Variants in ARFGEF3 observed in about 807,000 individuals in gnomAD.
The protein encoded by ARFGEF3 is brefeldin A-inhibited guanine nucleotide-exchange protein 3.
Under a neutral mutation model 221.7 loss-of-function variants are expected in ARFGEF3, and 96 were observed. That is an observed-to-expected ratio of 0.43 (90% confidence interval 0.37 to 0.51). The LOEUF (loss-of-function observed/expected upper bound fraction) is 0.51, where lower values mean the gene tolerates loss of function less well. ARFGEF3 is among the 20% of genes least tolerant of loss of function. The pLI is 0.00. For missense variants in ARFGEF3, 2,410 were observed against 2,789.9 expected (o/e 0.86, Z 3.07); for synonymous variants, 1,145 against 1,126.8 (o/e 1.02, Z -0.32).
chr6:138,277,125 A>G (rs1779112559), intron 12 of ARFGEF3, among the ~76,000 whole-genome samples: 1 of 152,154 alleles, frequency 6.6e-6, no homozygotes, highest in South Asian at 2.1e-4. Flanking sequence ...TAACATTCCA[A>G]ATAGAAGGTA....
intron 12 of ARFGEF3, among the ~76,000 whole-genome samples, chr6:138,265,557 ACT>A (rs370254581): frequency 3.3e-5 from 5 of 152,204 alleles, no homozygotes; most frequent in African/African-American, 1.2e-4. Flanking sequence ...CTTTTATATC[ACT>A]GTCATTAAAT....
chr6:138,340,868 C>T lies in ARFGEF3; in HGVS notation c.*4382C>T, dbSNP rs2114710210. 1 of 152,226 alleles carries T rather than the reference C, an allele frequency of 6.6e-6. No homozygotes were observed. The allele number at this position is 152,226 out of a possible 1,614,324, so 9.4% of individuals were successfully genotyped here. On this transcript the variant is annotated 3_prime_UTR_variant, in exon 34 of 34. Coordinates refer to ENST00000251691, the MANE Select transcript of ARFGEF3 (RefSeq NM_020340.5). The stretch of plus-strand genomic sequence containing the variant: ...AGGCCATGAAAATGAGACTATTTGA[C>T]ATCTCAGATCTGTCTGGGATGTTAT...
Position 138,289,883 on chromosome 6 carries a change from G to C in ARFGEF3, c.2962G>C (p.Ala988Pro). Reference sequence around the variant, plus strand: ...GGTGCAGGGGGTGTGGCTGCACACTGCCCACGTCTTGTGCATGGAGGCCAT... The same window carrying C: ...GGTGCAGGGGGTGTGGCTGCACACTCCCCACGTCTTGTGCATGGAGGCCAT... ...GKVQGVWLHT[A>P]HVLCMEAILS... Residue 988 changes from alanine to proline, a missense_variant, in exon 18 of 34, where the codon GCC (alanine) becomes CCC (proline). Physicochemically the swap from Ala to Pro is conservative, Grantham distance 27. Coordinates refer to ENST00000251691, the MANE Select transcript of ARFGEF3 (RefSeq NM_020340.5). The C allele has an allele frequency of 6.2e-7, 1 of 1,613,896 alleles. No individual in the cohort carries two copies. Among genetic ancestry groups the C allele is most frequent in the Non-Finnish European group, 8.5e-7 (1 of 1,179,776 alleles).
chr6:138,321,195 C>T lies in ARFGEF3; in HGVS notation c.4736C>T (p.Thr1579Ile), dbSNP rs747064284. ...LVACVAKPTE[T>I]ISRVGCSCIR... is the part of the protein sequence containing the mutation. ...GCCTGTGTGGCCAAGCCCACTGAAA[C>T]CATCTCCAGAGTGGGCTGCTCCTGT... Residue 1579 changes from threonine (T) to isoleucine (I), a missense_variant, in exon 29 of 34, where the codon ACC (threonine) becomes ATC (isoleucine). Thr to Ile is a moderately conservative substitution (Grantham distance 89). Transcript: ENST00000251691. 1 of 1,558,948 alleles carries T rather than the reference C, an allele frequency of 6.4e-7. No homozygotes were observed. The highest frequency in any genetic ancestry group is 8.7e-7 in the Non-Finnish European group (1 of 1,149,706).
Position 138,243,082 on chromosome 6 carries a change from C to T in ARFGEF3, c.586+88C>T. On this transcript the variant is annotated intron_variant, in intron 7 of 33. Transcript: ENST00000251691. The stretch of plus-strand genomic sequence containing the variant: ...CTTGGAGTGAGGGGTACAAAGATGT[C>T]TAGGAGCTCTCGGTTGTTTTACCAT... 1.9e-6 allele frequency: 2 copies of T among 1,033,088 alleles called. 1 individual carries two copies. Among genetic ancestry groups the T allele is most frequent in the Non-Finnish European group, 3.0e-6 (2 of 670,046 alleles). 64.0% of individuals were successfully genotyped at this position (1,033,088 alleles called of 1,614,324 possible).
In ARFGEF3 at chr6:138,334,751, T is replaced by A; in HGVS notation, c.5905T>A (p.Ser1969Thr). ...CCCTTCCGAGGATGACAGAAGCCAG[T>A]CCCGGGAGCACATGGGCGAGTCCCT... ...ETPSEDDRSQ[S>T]REHMGESLSL... Residue 1969 changes from serine to threonine, a missense_variant, in exon 33 of 34, where the codon TCC (serine) becomes ACC (threonine). Physicochemically the swap from Ser to Thr is moderately conservative, Grantham distance 58. This residue lies in a region of ARFGEF3 where 339 missense variants were observed against 334.9 expected (regional missense o/e 1.01). Transcript: ENST00000251691. The surrounding 1 kb of genome is among the most constrained non-coding windows in gnomAD (Gnocchi z 5.1). 1 of 1,610,434 alleles carries A rather than the reference T, an allele frequency of 6.2e-7. No homozygotes were observed. The highest frequency in any genetic ancestry group is 8.5e-7 in the Non-Finnish European group (1 of 1,177,788).
At chr6:138,163,157 GT>G (rs1776651968) in intron 1 of ARFGEF3, among the ~76,000 whole-genome samples, 1 of 152,202 alleles carries the variant, frequency 6.6e-6, no homozygotes, top group African/African-American at 2.4e-5. Flanking sequence ...TCCACTAAAT[GT>G]AAAATTTTGA....
intron 33 of ARFGEF3, 87 bp from the exon 34 acceptor site, chr6:138,336,208 C>T: frequency 7.7e-6 from 8 of 1,043,246 alleles, no homozygotes; most frequent in Non-Finnish European, 1.1e-5. Context: ...TGGAAAAAAA[C>T]CATTTCCACA....
At chr6:138,179,221 A>G (rs1291948486) in intron 2 of ARFGEF3, among the ~76,000 whole-genome samples, 2 of 152,172 alleles carry the variant, frequency 1.3e-5, no homozygotes, top group Non-Finnish European at 2.9e-5. Context: ...GTCACTTGCA[A>G]CAGTACTGGT....
At chr6:138,178,712 A>G (rs1777004352) in intron 2 of ARFGEF3, among the ~76,000 whole-genome samples, 1 of 152,204 alleles carries the variant, frequency 6.6e-6, no homozygotes, top group Admixed American at 6.6e-5. Flanking sequence ...TTTACATCAC[A>G]TGTCCCAGAA....
intron 2 of ARFGEF3, among the ~76,000 whole-genome samples, chr6:138,189,704 T>C (rs1192126246): frequency 6.6e-6 from 1 of 152,178 alleles, no homozygotes; most frequent in Non-Finnish European, 1.5e-5. Context: ...TCCTTTATTA[T>C]AGGAATGATT....
chr6:138,229,893 T>C, intron 5 of ARFGEF3, 41 bp downstream of exon 5: 2 of 1,522,666 alleles, frequency 1.3e-6, no homozygotes, highest in Non-Finnish European at 1.8e-6. Context: ...TCACAGCTGC[T>C]TTATCTCTGA....
chr6:138,231,938 TAGAAC>T (rs1298487843), intron 5 of ARFGEF3, among the ~76,000 whole-genome samples: 1 of 152,232 alleles, frequency 6.6e-6, no homozygotes, highest in Non-Finnish European at 1.5e-5. Context: ...GAAAAGTTCT[TAGAAC>T]AGCATCCTCT....
In ARFGEF3 at chr6:138,278,596, G is replaced by C; in HGVS notation, c.2274G>C (p.Pro758=). Residue 758 remains proline (P), a synonymous_variant, in exon 13 of 34, where the codon CCG becomes CCC. Transcript: ENST00000251691. ...LSHGDYYRKR[P]TLAPGVMKDF... ...ACGGTGACTACTACAGGAAGCGGCC[G>C]ACCCTGGCGCCAGGCGTGATGGTGA... The C allele has an allele frequency of 6.2e-7, 1 of 1,613,864 alleles. No homozygotes were observed. The highest frequency in any genetic ancestry group is 8.5e-7 in the Non-Finnish European group (1 of 1,179,874).
intron 2 of ARFGEF3, among the ~76,000 whole-genome samples, chr6:138,186,902 C>CTTT (rs71693484): frequency 5.0e-4 from 38 of 76,050 alleles, no homozygotes; most frequent in African/African-American, 7.5e-4. Flanking sequence ...CATCCTTTTT[C>CTTT]TTTTTTTTTT....
At chr6:138,210,480 CT>C (rs993226179) in intron 4 of ARFGEF3, among the ~76,000 whole-genome samples, 31 of 147,264 alleles carry the variant, frequency 2.1e-4, no homozygotes, top group East Asian at 5.9e-4. Context: ...GAATACACAT[CT>C]TTTTTTTTTT....
chr6:138,242,745 C>T, intron 6 of ARFGEF3, among the ~76,000 whole-genome samples: 1 of 152,140 alleles, frequency 6.6e-6, no homozygotes, highest in South Asian at 2.1e-4. Context: ...CTGATAAGCT[C>T]AATTCCAGAG....
intron 25 of ARFGEF3, 68 bp downstream of exon 25, chr6:138,311,578 G>T (rs767631167): frequency 9.3e-7 from 1 of 1,074,114 alleles, no homozygotes; most frequent in Admixed American, 2.0e-5. Context: ...CAAAACATGC[G>T]TGGGGGGTCT....
At chr6:138,269,212 T>C (rs551195016) in intron 12 of ARFGEF3, among the ~76,000 whole-genome samples, 1 of 152,366 alleles carries the variant, frequency 6.6e-6, no homozygotes, top group East Asian at 1.9e-4. Flanking sequence ...CTGCCCAGCC[T>C]GGGCTCTCCC....
Sources: gnomAD v4.1 joint callset for allele counts (sites outside exome capture counted in the v4.1 genomes callset) on GRCh38, gnomAD v4.1.1 for gene constraint, gnomAD v4.1.1 regional missense constraint, Gnocchi (gnomAD v3.1) non-coding constraint, MANE v1.5 for transcripts, NCBI Gene and HGNC (gene_info 2026-07-23, HGNC 2026-07-21) for gene names.